DYNC2H1: variants seen among roughly 807,000 people sequenced by gnomAD.
DYNC2H1 encodes dynein cytoplasmic 2 heavy chain 1, also known as cytoplasmic dynein 2 heavy chain 1.
A neutral mutation model predicts 570.0 loss-of-function variants in DYNC2H1; 410 were observed. The observed-to-expected ratio is 0.72, with a 90% CI of 0.66 to 0.78. The LOEUF (loss-of-function observed/expected upper bound fraction) is 0.78. DYNC2H1 is among the 30% of genes least tolerant of loss of function. The pLI is 0.00. For missense variants in DYNC2H1, 4,865 were observed against 5,046.4 expected, an observed-to-expected ratio of 0.96 and a Z score of 1.09; for synonymous variants, 1,688 against 1,677.6, an observed-to-expected ratio of 1.01 and a Z score of -0.15.
intron 88 of DYNC2H1, among the ~76,000 whole-genome samples, chr11:103,476,247 A>C (rs1305722526): frequency 6.6e-6 from 1 of 152,034 alleles, no homozygotes; most frequent in Non-Finnish European, 1.5e-5. Context: ...CCCAAATCCC[A>C]CATTTTTTTT....
chr11:103,209,907 G>T lies in DYNC2H1; in HGVS notation c.8486G>T (p.Gly2829Val), dbSNP rs761470844. 1 of 1,494,146 alleles carries T rather than the reference G, an allele frequency of 6.7e-7. No homozygotes were observed. Among genetic ancestry groups the T allele is most frequent in the South Asian group, 1.3e-5 (1 of 75,682 alleles). The allele number at this position is 1,494,146 out of a possible 1,614,324, so 92.6% of individuals were successfully genotyped here. ...GAAATGTTATTCAGTGAAACAGGTGGTGGAGAAAAATACAATGATAAAAAA... is the reference window on the plus strand; with the variant it reads ...GAAATGTTATTCAGTGAAACAGGTGTTGGAGAAAAATACAATGATAAAAAA... ...IPEMLFSETGGGEKYNDKKRK... is the reference protein window; with the variant it reads ...IPEMLFSETGVGEKYNDKKRK... The change falls in exon 53 of 89, where the codon GGT becomes GTT. Residue 2829 changes from glycine to valine, a missense_variant. This residue lies in a region of DYNC2H1 where 2,401 missense variants were observed against 2,454.6 expected (regional missense o/e 0.98). Coordinates refer to ENST00000375735, the MANE Select transcript of DYNC2H1 (RefSeq NM_001377.3). This position sits in a 1 kb window ranked among gnomAD's most constrained non-coding sequence, Gnocchi z 4.2.
chr11:103,351,459 G>A (rs191246997), intron 82 of DYNC2H1, among the ~76,000 whole-genome samples: 6 of 152,166 alleles, frequency 3.9e-5, no homozygotes, highest in Non-Finnish European at 8.8e-5. Flanking sequence ...GGATGTGATT[G>A]CAGGAACGCA....
chr11:103,170,029 C>T lies in DYNC2H1; in HGVS notation c.4969-79C>T. ...GTTTGTTGCATTTTTATCTTTTTAA[C>T]TACAATCTCATGCTGTAAAAATATT... is the stretch of plus-strand genomic sequence containing the variant. On this transcript the variant is annotated intron_variant, in intron 32 of 88. Coordinates refer to ENST00000375735, the MANE Select transcript of DYNC2H1 (RefSeq NM_001377.3). The surrounding 1 kb of genome is among the most constrained non-coding windows in gnomAD (Gnocchi z 4.8). 1 of 1,287,286 alleles carries T rather than the reference C, an allele frequency of 7.8e-7. No homozygotes were observed. Among genetic ancestry groups the T allele is most frequent in the Non-Finnish European group, 1.0e-6 (1 of 970,062 alleles). The allele number at this position is 1,287,286 out of a possible 1,614,324, so 79.7% of individuals were successfully genotyped here. A position where few individuals can be genotyped will look rare whatever the true frequency, so the allele number is the denominator to read the frequency against.
intron 84 of DYNC2H1, among the ~76,000 whole-genome samples, chr11:103,426,428 T>G (rs936030687): frequency 1.3e-5 from 2 of 152,194 alleles, no homozygotes; most frequent in African/African-American, 4.8e-5. Flanking sequence ...ATACTAGCAA[T>G]TGTCTGTTAA....
At chr11:103,449,971 A>G (rs1298627893) in intron 85 of DYNC2H1, among the ~76,000 whole-genome samples, 4 of 152,206 alleles carry the variant, frequency 2.6e-5, no homozygotes, top group Non-Finnish European at 5.9e-5. Flanking sequence ...TGCACTTTAA[A>G]TATAAATACA....
rs1163559283 is a variant in DYNC2H1, at chr11:103,133,144, C to A, written c.1954-411C>A. On this transcript the variant is annotated intron_variant, in intron 13 of 88. Transcript: ENST00000375735. The surrounding 1 kb of genome is among the most constrained non-coding windows in gnomAD (Gnocchi z 4.8). ...TTTCTCTTGTTAGGCTGCTGTTTTC[C>A]TAGCCCTTTATAGGAGGTTTTTGAG... 6.6e-6 allele frequency among the ~76,000 whole-genome samples: 1 copy of A among 152,140 alleles called. No homozygotes were observed. Among genetic ancestry groups the A allele is most frequent in the Non-Finnish European group, 1.5e-5 (1 of 68,014 alleles).
Position 103,155,347 on chromosome 11 carries a change from T to C in DYNC2H1, c.3590T>C (p.Leu1197Ser). 1 of 1,606,410 alleles carries C rather than the reference T, an allele frequency of 6.2e-7. No individual in the cohort carries two copies. The highest frequency in any genetic ancestry group is 8.5e-7 in the Non-Finnish European group (1 of 1,177,374). ...TTGTAACAGATCGTAATTCCTATCT[T>C]GAAATATGTGAGAGGGGAGCATCTT... Reference protein sequence around the residue: ...VDKYKIVIPILKYVRGEHLSP... With the variant: ...VDKYKIVIPISKYVRGEHLSP... Residue 1197 changes from leucine (L) to serine (S), a missense_variant, in exon 25 of 89, where the codon TTG (leucine) becomes TCG (serine). Coordinates refer to ENST00000375735, the MANE Select transcript of DYNC2H1 (RefSeq NM_001377.3).
chr11:103,298,830 T>G (rs1866940572), intron 75 of DYNC2H1, among the ~76,000 whole-genome samples: 4 of 152,150 alleles, frequency 2.6e-5, no homozygotes, highest in African/African-American at 9.6e-5. Flanking sequence ...CTGTAAACCT[T>G]AAAATAGTAA....
At chr11:103,294,642 C>T (rs1167417647) in intron 75 of DYNC2H1, among the ~76,000 whole-genome samples, 1 of 152,184 alleles carries the variant, frequency 6.6e-6, no homozygotes, top group African/African-American at 2.4e-5. Flanking sequence ...GCCTTGACCA[C>T]CGCAGCTGGC....
rs567930418 is a variant in DYNC2H1, at chr11:103,141,082, C to T, written c.2575-2186C>T. Among the ~76,000 whole-genome samples the T allele has an allele frequency of 7.5e-3, 1,135 of 152,214 alleles. 11 individuals are homozygous for T. Among genetic ancestry groups the T allele is most frequent in the African/African-American group, 0.025 (1,055 of 41,546 alleles). ...CAGCTCCTTTAAGCACTTCTCTGTA[C>T]TGGTTATTCTAGTTATACATTCATC... On this transcript the variant is annotated intron_variant, in intron 17 of 88. Transcript: ENST00000375735.
In DYNC2H1 at chr11:103,399,644, T is replaced by A; in HGVS notation, c.12157-19T>A. 1 of 1,571,490 alleles carries A rather than the reference T, an allele frequency of 6.4e-7. No individual in the cohort carries two copies. Among genetic ancestry groups the A allele is most frequent in the Non-Finnish European group, 8.7e-7 (1 of 1,146,332 alleles). ...ATCTGTGTTACTATTCGGTAAATAT[T>A]ATGACATTTTTCTTTTAGAATTCAA... On this transcript the variant is annotated intron_variant, in intron 83 of 88. Coordinates refer to ENST00000375735, the MANE Select transcript of DYNC2H1 (RefSeq NM_001377.3).
intron 81 of DYNC2H1, among the ~76,000 whole-genome samples, chr11:103,321,542 A>G (rs1938198565): frequency 6.6e-6 from 1 of 152,176 alleles, no homozygotes; most frequent in African/African-American, 2.4e-5. Context: ...AAGTGGGAGA[A>G]TATGCACTTC....
intron 83 of DYNC2H1, among the ~76,000 whole-genome samples, chr11:103,387,999 C>A (rs189110026): frequency 6.6e-6 from 1 of 152,072 alleles, no homozygotes; most frequent in African/African-American, 2.4e-5. Flanking sequence ...TTTTTTGGTT[C>A]CATATGAACT....
rs919459888 is a variant in DYNC2H1 at position 103,185,748 on chromosome 11, T to C, written c.6634-494T>C. On this transcript the variant is annotated intron_variant, in intron 41 of 88. Coordinates refer to ENST00000375735, the MANE Select transcript of DYNC2H1 (RefSeq NM_001377.3). This position sits in a 1 kb window ranked among gnomAD's most constrained non-coding sequence, Gnocchi z 4.5. ...ATACTATATGCTGCTTTTAAGCACA[T>C]ACTCTCTTGTCAAAGTTCCGAATAA... is the stretch of plus-strand genomic sequence containing the variant. Among the ~76,000 whole-genome samples the C allele has an allele frequency of 5.3e-5, 8 of 151,958 alleles. No individual in the cohort carries two copies. The highest frequency in any genetic ancestry group is 1.9e-4 in the African/African-American group (8 of 41,420).
At chr11:103,284,333 G>A (rs899927838) in intron 73 of DYNC2H1, among the ~76,000 whole-genome samples, 2 of 151,940 alleles carry the variant, frequency 1.3e-5, no homozygotes, top group Non-Finnish European at 2.9e-5. Flanking sequence ...TTCCTCTATT[G>A]TAATAGTCCT....
chr11:103,387,108 G>T (rs1941919169), intron 83 of DYNC2H1, among the ~76,000 whole-genome samples: 1 of 152,132 alleles, frequency 6.6e-6, no homozygotes, highest in Non-Finnish European at 1.5e-5. Context: ...CTAGTTTACA[G>T]TCCCACCAAC....
chr11:103,464,759 A>G (rs776099306), intron 87 of DYNC2H1, among the ~76,000 whole-genome samples: 20 of 152,316 alleles, frequency 1.3e-4, no homozygotes, highest in African/African-American at 1.7e-4. Flanking sequence ...GAACCCAAAG[A>G]CCACAAGAAT....
intron 80 of DYNC2H1, among the ~76,000 whole-genome samples, chr11:103,320,638 TA>T (rs1938134857): frequency 6.6e-6 from 1 of 152,222 alleles, no homozygotes; most frequent in Admixed American, 6.5e-5. Context: ...ATTTCCAATT[TA>T]AGTAGCCAGG....
At chr11:103,388,668 A>G (rs55955134) in intron 83 of DYNC2H1, among the ~76,000 whole-genome samples, 4,499 of 151,652 alleles carry the variant, frequency 0.03, 134 homozygotes, top group African/African-American at 0.077. Flanking sequence ...ATTTTGAGAT[A>G]TGTCCCATCA....
Sources: gnomAD v4.1 joint callset for allele counts (sites outside exome capture counted in the v4.1 genomes callset) on GRCh38, gnomAD v4.1.1 for gene constraint, gnomAD v4.1.1 regional missense constraint, Gnocchi (gnomAD v3.1) non-coding constraint, MANE v1.5 for transcripts, NCBI Gene and HGNC (gene_info 2026-07-23, HGNC 2026-07-21) for gene names.